Variants in CD226 observed in about 807,000 individuals in gnomAD.
The protein encoded by CD226 is CD226 molecule.
Under a neutral mutation model 34.9 loss-of-function variants are expected in CD226, and 24 were observed. The ratio of observed to expected loss-of-function variants is 0.69; its 90% confidence interval spans 0.50 to 0.97. CD226 has a LOEUF of 0.97. Among genes scored for constraint, CD226 ranks in the 50% least tolerant of loss-of-function variants. The pLI, the probability that CD226 is intolerant of heterozygous loss-of-function variation, is 0.00. For synonymous variants in CD226, 148 were observed against 147.4 expected (o/e 1.00, Z -0.03); for missense variants, 397 against 412.7 (o/e 0.96, Z 0.33).
Position 69,864,002 on chromosome 18 carries a change from T to G in CD226, c.*312A>C, listed in dbSNP as rs2145170286. On this transcript the variant is annotated 3_prime_UTR_variant, in exon 6 of 6. Transcript: ENST00000582621. ...GGAAAGGGATTCAGAAGCCAGTTTATGCCCATACTTAATTCTAGACACAAC... is the reference window on the plus strand; with the variant it reads ...GGAAAGGGATTCAGAAGCCAGTTTAGGCCCATACTTAATTCTAGACACAAC... The G allele has an allele frequency of 5.0e-6, 1 of 198,784 alleles. No homozygotes were observed. The highest frequency in any genetic ancestry group is 5.7e-5 in the Admixed American group (1 of 17,444). The allele number at this position is 198,784 out of a possible 1,614,324, so 12.3% of individuals were successfully genotyped here. A position where few individuals can be genotyped will look rare whatever the true frequency, so the allele number is the denominator to read the frequency against.
intron 2 of CD226, among the ~76,000 whole-genome samples, chr18:69,898,061 G>A (rs1985402301): frequency 6.6e-6 from 1 of 151,918 alleles, no homozygotes; most frequent in African/African-American, 2.4e-5. Context: ...GGGAAAAAAG[G>A]AAATAAAAGC....
intron 2 of CD226, among the ~76,000 whole-genome samples, chr18:69,924,692 C>CAAA (rs56118102): frequency 7.0e-5 from 4 of 57,108 alleles, no homozygotes; most frequent in African/African-American, 1.8e-4. Flanking sequence ...AAGGTATTGC[C>CAAA]AAAAAAAAAA....
rs1381560967 is a variant in CD226 at position 69,857,988 on chromosome 18, C to T, written c.*6326G>A. 6.6e-6 allele frequency: 1 copy of T among 152,158 alleles called. No homozygotes were observed. Among genetic ancestry groups the T allele is most frequent in the African/African-American group, 2.4e-5 (1 of 41,526 alleles). The allele number at this position is 152,158 out of a possible 1,614,324, so 9.4% of individuals were successfully genotyped here. ...TATACCTGTGTCTAGACATAAGTTG[C>T]AGGTTTAAAAATCAATAGATTTGAA... On this transcript the variant is annotated 3_prime_UTR_variant, in exon 6 of 6. Coordinates refer to ENST00000582621, the MANE Select transcript of CD226 (RefSeq NM_001303618.2).
chr18:69,952,554 C>T (rs1236825857), upstream of CD226, among the ~76,000 whole-genome samples: 10 of 152,092 alleles, frequency 6.6e-5, no homozygotes, highest in Non-Finnish European at 1.2e-4. Context: ...TAGCCACATG[C>T]AAAAGCATGA....
intron 1 of CD226, 132 bp downstream of exon 1, chr18:69,947,229 C>T: frequency 1.1e-6 from 1 of 929,638 alleles, no homozygotes; most frequent in South Asian, 1.7e-5. Flanking sequence ...GAAAATGTAA[C>T]TTTTAGTTTT....
chr18:69,889,828 C>T (rs1984782283), intron 3 of CD226, among the ~76,000 whole-genome samples: 1 of 152,194 alleles, frequency 6.6e-6, no homozygotes, highest in African/African-American at 2.4e-5. Context: ...TGGGAAGATT[C>T]TCTTAGCTGT....
At chr18:69,955,235 C>T (rs1244008752) in intron 1 of CD226, among the ~76,000 whole-genome samples, 3 of 152,178 alleles carry the variant, frequency 2.0e-5, no homozygotes, top group African/African-American at 7.2e-5. Flanking sequence ...TACAATATGT[C>T]CTGCTTCCCC....
In CD226 at chr18:69,903,912, C is replaced by A. The variant is rs78569200; in HGVS notation, c.383-7867G>T. ...CTAGGACACTAATAGGGAGTAAGGA[C>A]CATCAGGACGACATCTTGGGTACAG... On this transcript the variant is annotated intron_variant, in intron 2 of 5. Coordinates refer to ENST00000582621, the MANE Select transcript of CD226 (RefSeq NM_001303618.2). 8.7e-3 allele frequency among the ~76,000 whole-genome samples: 1,322 copies of A among 152,230 alleles called. 10 individuals carry two copies. Among genetic ancestry groups the A allele is most frequent in the Non-Finnish European group, 0.014 (952 of 68,020 alleles).
rs187089450 is a variant in CD226 at position 69,909,423 on chromosome 18, G to A, written c.383-13378C>T. ...GCATCAGCCAGCACTGCAAATTTAT[G>A]GTTTTAATACCAACTCTCCAAAGAG... On this transcript the variant is annotated intron_variant, in intron 2 of 5. Coordinates refer to ENST00000582621, the MANE Select transcript of CD226 (RefSeq NM_001303618.2). Among the ~76,000 whole-genome samples the A allele has an allele frequency of 1.7e-3, 263 of 152,168 alleles. 1 individual carries two copies. The highest frequency in any genetic ancestry group is 1.9e-3 in the Non-Finnish European group (128 of 68,010).
rs574400324 is a variant in CD226, at chr18:69,870,385, C to T, written c.830+2759G>A. The stretch of plus-strand genomic sequence containing the variant: ...CATCTCCCGGGTTCAAGTGATTCTC[C>T]TGTCTCAGCCTCCTGAGTAGCTGAG... On this transcript the variant is annotated intron_variant, in intron 4 of 5. Coordinates refer to ENST00000582621, the MANE Select transcript of CD226 (RefSeq NM_001303618.2). 2.0e-5 allele frequency among the ~76,000 whole-genome samples: 3 copies of T among 151,268 alleles called. No homozygotes were observed. The South Asian group carries it at 6.3e-4, about 32-fold the overall frequency.
intron 2 of CD226, among the ~76,000 whole-genome samples, chr18:69,915,202 T>C (rs1599004991): frequency 6.6e-6 from 1 of 152,238 alleles, no homozygotes; most frequent in East Asian, 1.9e-4. Flanking sequence ...GGGTTGACAA[T>C]CATTGCTATT....
chr18:69,855,019 C>T lies in CD226; in HGVS notation c.*9295G>A, dbSNP rs1331648784. The T allele has an allele frequency of 6.6e-6, 1 of 152,170 alleles. No homozygotes were observed. The allele number at this position is 152,170 out of a possible 1,614,324, so 9.4% of individuals were successfully genotyped here. On this transcript the variant is annotated 3_prime_UTR_variant, in exon 6 of 6. Coordinates refer to ENST00000582621, the MANE Select transcript of CD226 (RefSeq NM_001303618.2). ...ACCTATGGTTATAACAGACTTTAAACACAGTCTAATAGTTAGTCAGATTAA... is the reference window on the plus strand; with the variant it reads ...ACCTATGGTTATAACAGACTTTAAATACAGTCTAATAGTTAGTCAGATTAA...
rs76360326 is a variant in CD226, at chr18:69,898,233, T to C, written c.383-2188A>G. 6.3e-3 allele frequency among the ~76,000 whole-genome samples: 954 copies of C among 152,260 alleles called. 11 individuals are homozygous for C. Among genetic ancestry groups the C allele is most frequent in the African/African-American group, 0.022 (906 of 41,544 alleles). The stretch of plus-strand genomic sequence containing the variant: ...GAAAAAAAGGAGGAGAAATCGACTT[T>C]CATGTGAGCCCTTCTGGTCCCTGGG... On this transcript the variant is annotated intron_variant, in intron 2 of 5. Transcript: ENST00000582621.
intron 5 of CD226, among the ~76,000 whole-genome samples, chr18:69,864,966 A>G (rs1352020442): frequency 2.0e-5 from 3 of 152,198 alleles, no homozygotes. Context: ...TCTTTTGATG[A>G]GTAATTTAAA....
In CD226 at chr18:69,861,257, T is replaced by A. The variant is rs967617361; in HGVS notation, c.*3057A>T. ...TACCTGCCTCCCATTTTAAGCATGA[T>A]TACAAGTAAATGAAATTTCTATTTT... On this transcript the variant is annotated 3_prime_UTR_variant, in exon 6 of 6. Coordinates refer to ENST00000582621, the MANE Select transcript of CD226 (RefSeq NM_001303618.2). The A allele has an allele frequency of 9.2e-5, 14 of 151,708 alleles. No individual in the cohort carries two copies. The highest frequency in any genetic ancestry group is 3.1e-4 in the African/African-American group (13 of 41,390). The allele number at this position is 151,708 out of a possible 1,614,324, so 9.4% of individuals were successfully genotyped here. A position where few individuals can be genotyped will look rare whatever the true frequency, so the allele number is the denominator to read the frequency against.
chr18:69,899,785 C>A (rs1455566824), intron 2 of CD226, among the ~76,000 whole-genome samples: 2 of 152,192 alleles, frequency 1.3e-5, no homozygotes, highest in Non-Finnish European at 2.9e-5. Context: ...ATTACAGATG[C>A]TGGTGAGGTT....
intron 3 of CD226, 65 bp from the exon 4 acceptor site, chr18:69,873,311 G>T: frequency 1.3e-6 from 1 of 746,016 alleles, no homozygotes; most frequent in Non-Finnish European, 2.3e-6. Flanking sequence ...AAGTAAGGCA[G>T]GAAAATAAAG....
intron 3 of CD226, among the ~76,000 whole-genome samples, chr18:69,886,087 T>G (rs2145219215): frequency 6.6e-6 from 1 of 152,270 alleles, no homozygotes; most frequent in East Asian, 1.9e-4. Flanking sequence ...TCTTCCACTT[T>G]GAGCAGAAAA....
intron 2 of CD226, among the ~76,000 whole-genome samples, chr18:69,937,373 A>ATAG (rs920520812): frequency 6.6e-6 from 1 of 152,168 alleles, no homozygotes; most frequent in Non-Finnish European, 1.5e-5. Flanking sequence ...TTCTCCTGGA[A>ATAG]TAGTGCCTAT....
Sources: allele counts gnomAD v4.1 joint callset (sites outside exome capture counted in the v4.1 genomes callset), GRCh38; gene constraint gnomAD v4.1.1; transcripts MANE v1.5; gene names NCBI Gene and HGNC (gene_info 2026-07-23, HGNC 2026-07-21).